The following PHKB variants were observed in gnomAD, a reference collection of about 807,000 sequenced individuals.
The protein encoded by PHKB is phosphorylase kinase regulatory subunit beta.
PHKB carries 122 observed loss-of-function variants against 152.1 expected under a neutral mutation model. The ratio of observed to expected loss-of-function variants is 0.80; its 90% CI spans 0.69 to 0.93. The LOEUF (loss-of-function observed/expected upper bound fraction) is 0.93, where lower values mean the gene tolerates loss of function less well. Among genes scored for constraint, PHKB ranks in the 40% least tolerant of loss-of-function variants. The pLI, the probability that PHKB is intolerant of heterozygous loss-of-function variation, is 0.00. For synonymous variants in PHKB, 436 were observed against 464.9 expected (o/e 0.94, Z 0.80); for missense variants, 1,304 against 1,328.4 (o/e 0.98, Z 0.29).
Position 47,515,417 on chromosome 16 carries a change from G to A in PHKB, c.514-104G>A, listed in dbSNP as rs1970578473. 5.6e-6 allele frequency: 4 copies of A among 711,854 alleles called. No individual in the cohort carries two copies. In the East Asian group the frequency reaches 1.1e-4, roughly 19 times the overall value. 44.1% of individuals were successfully genotyped at this position (711,854 alleles called of 1,614,324 possible). The stretch of plus-strand genomic sequence containing the variant: ...ACAGTAGGAAAGGAAATAGTTTTAT[G>A]ACACTATTAGAGCAAATGACTTGTA... On this transcript the variant is annotated intron_variant, in intron 5 of 30. Transcript: ENST00000323584.
At chr16:47,698,026 A>G (rs1301273173) in intron 29 of PHKB, among the ~76,000 whole-genome samples, 1 of 152,148 alleles carries the variant, frequency 6.6e-6, no homozygotes, top group Non-Finnish European at 1.5e-5. Context: ...CAGAGTCTCC[A>G]TTGAACCTGC....
At chr16:47,640,412 C>CA in intron 14 of PHKB, among the ~76,000 whole-genome samples, 2 of 152,144 alleles carry the variant, frequency 1.3e-5, no homozygotes, top group East Asian at 3.9e-4. Flanking sequence ...CTTTATCACA[C>CA]AAAAAATGAG....
At chr16:47,469,883 A>C (rs1410900036) in intron 1 of PHKB, among the ~76,000 whole-genome samples, 1 of 152,264 alleles carries the variant, frequency 6.6e-6, no homozygotes, top group Non-Finnish European at 1.5e-5. Context: ...ATCCCTCATA[A>C]GTTCTTTTGT....
chr16:47,688,895 A>G, intron 26 of PHKB, 146 bp from the exon 27 acceptor site: 1 of 828,594 alleles, frequency 1.2e-6, no homozygotes, highest in Non-Finnish European at 2.1e-6. Context: ...GATGGAAGTA[A>G]TTGTATCAAC....
At chr16:47,500,567 A>G (rs1452363072) in intron 3 of PHKB, among the ~76,000 whole-genome samples, 1 of 152,198 alleles carries the variant, frequency 6.6e-6, no homozygotes, top group Non-Finnish European at 1.5e-5. Flanking sequence ...AATTTGTTCA[A>G]AATGATGCAA....
chr16:47,638,464 A>C (rs1175280887), intron 14 of PHKB, among the ~76,000 whole-genome samples: 1 of 152,240 alleles, frequency 6.6e-6, no homozygotes, highest in African/African-American at 2.4e-5. Flanking sequence ...TAGTTCTCTG[A>C]GATAGGGACA....
intron 6 of PHKB, among the ~76,000 whole-genome samples, chr16:47,534,698 A>C (rs1421433780): frequency 6.6e-6 from 1 of 152,220 alleles, no homozygotes; most frequent in Non-Finnish European, 1.5e-5. Flanking sequence ...ATAACATTAC[A>C]AAGTAGGAGC....
chr16:47,506,823 G>A (rs1302760232), intron 4 of PHKB, among the ~76,000 whole-genome samples: 5 of 152,128 alleles, frequency 3.3e-5, no homozygotes, highest in African/African-American at 1.2e-4. Context: ...GCTAAAAAAA[G>A]AACAAAATTG....
chr16:47,581,529 T>C (rs2151693366), intron 8 of PHKB, among the ~76,000 whole-genome samples: 1 of 148,610 alleles, frequency 6.7e-6, no homozygotes, highest in Middle Eastern at 3.5e-3. Flanking sequence ...TATGGCTATT[T>C]AACTAAGCCT....
At chr16:47,628,664 A>C (rs549837453) in intron 14 of PHKB, among the ~76,000 whole-genome samples, 1 of 152,214 alleles carries the variant, frequency 6.6e-6, no homozygotes, top group African/African-American at 2.4e-5. Flanking sequence ...CTTATCAAGA[A>C]CTAAAGAATT....
intron 25 of PHKB, chr16:47,666,059 T>C (rs369594984): frequency 7.2e-5 from 109 of 1,524,122 alleles, no homozygotes; most frequent in South Asian, 1.0e-4. Flanking sequence ...CAGACACTTA[T>C]TTGGTCCCGG....
At chr16:47,547,677 G>A in intron 7 of PHKB, 129 bp downstream of exon 7, 1 of 654,646 alleles carries the variant, frequency 1.5e-6, no homozygotes, top group Non-Finnish European at 2.7e-6. Flanking sequence ...TTCTACCTAT[G>A]ATGCAGATGG....
intron 13 of PHKB, chr16:47,597,850 C>T (rs1972150413): frequency 6.6e-6 from 1 of 151,506 alleles, no homozygotes; most frequent in East Asian, 1.9e-4. Context: ...AAATTAAAGG[C>T]CACGGTCCAG....
intron 7 of PHKB, among the ~76,000 whole-genome samples, chr16:47,579,840 C>T (rs1474709511): frequency 6.6e-6 from 1 of 152,110 alleles, no homozygotes; most frequent in Non-Finnish European, 1.5e-5. Context: ...TTGAAGGATA[C>T]TTTAAGCCAC....
At chr16:47,632,528 G>C (rs796596034) in intron 14 of PHKB, among the ~76,000 whole-genome samples, 2 of 152,192 alleles carry the variant, frequency 1.3e-5, no homozygotes, top group African/African-American at 4.8e-5. Context: ...TGCATTTGCT[G>C]TTGTAGGCAT....
At chr16:47,689,249 CTATGA>C in intron 27 of PHKB, 74 bp downstream of exon 27, 2 of 1,440,598 alleles carry the variant, frequency 1.4e-6, no homozygotes, top group African/African-American at 1.4e-5. Context: ...CTTGATATAT[CTATGA>C]AATTGATAAG....
intron 26 of PHKB, among the ~76,000 whole-genome samples, chr16:47,679,848 C>A (rs1341535653): frequency 2.0e-5 from 3 of 152,100 alleles, no homozygotes; most frequent in Non-Finnish European, 4.4e-5. Flanking sequence ...GTCTTGTGCC[C>A]ATTTTCAAAG....
chr16:47,617,502 G>T (rs1188918164), intron 14 of PHKB, among the ~76,000 whole-genome samples: 5 of 151,828 alleles, frequency 3.3e-5, no homozygotes, highest in Non-Finnish European at 5.9e-5. Context: ...GTATGAATTT[G>T]CCTATTCTAG....
At chr16:47,625,518 A>C (rs574995629) in intron 14 of PHKB, among the ~76,000 whole-genome samples, 2 of 152,066 alleles carry the variant, frequency 1.3e-5, no homozygotes, top group South Asian at 4.2e-4. Flanking sequence ...CCAGCACTTC[A>C]GGGTCTCTCC....
Sources: allele counts gnomAD v4.1 joint callset (sites outside exome capture counted in the v4.1 genomes callset), GRCh38; gene constraint gnomAD v4.1.1; transcripts MANE v1.5; gene names NCBI Gene and HGNC (gene_info 2026-07-23, HGNC 2026-07-21).